Variants in ASMT observed in about 807,000 individuals in gnomAD.
ASMT encodes the protein acetylserotonin N-methyltransferase.
Under a neutral mutation model 41.3 loss-of-function variants are expected in ASMT, and 53 were observed. The observed-to-expected ratio is 1.28, with a 90% CI of 1.03 to 1.61. The LOEUF is 1.61. Ranked by LOEUF, ASMT falls within the 40% of genes most tolerant of loss-of-function variation. ASMT has a pLI of 0.00. For synonymous variants in ASMT, 231 were observed against 184.8 expected, an observed-to-expected ratio of 1.25 and a Z score of -2.03; for missense variants, 531 against 441.3, an observed-to-expected ratio of 1.20 and a Z score of -1.82.
At chrX:1,625,814 C>T (rs772611836) in intron 3 of ASMT, among the ~76,000 whole-genome samples, 92 of 151,528 alleles carry the variant, frequency 6.1e-4, no homozygotes, top group African/African-American at 1.9e-3. Flanking sequence ...ATTAGCCGGG[C>T]GTGGTGGCGG....
At chrX:1,627,082 T>G (rs1246442681) in intron 3 of ASMT, among the ~76,000 whole-genome samples, 2 of 146,518 alleles carry the variant, frequency 1.4e-5, no homozygotes, top group East Asian at 4.0e-4. Context: ...CCCAGCACTT[T>G]GGGAGGCCAA....
chrX:1,624,261 T>C lies in ASMT; in HGVS notation c.245-8T>C. The C allele has an allele frequency of 2.5e-6, 4 of 1,613,910 alleles. No homozygotes were observed. Among genetic ancestry groups the C allele is most frequent in the Non-Finnish European group, 3.4e-6 (4 of 1,179,846 alleles). On this transcript the variant is annotated splice_polypyrimidine_tract_variant and splice_region_variant and intron_variant, in intron 2 of 8. Coordinates refer to ENST00000381241, the MANE Select transcript of ASMT (RefSeq NM_001171038.2). ...TGCTTTTTCCCTGTTTTTTTGTGTG[T>C]GTTTCAGCTTTCTATCGAAACACAG...
chrX:1,630,941 T>G (rs776353156), intron 5 of ASMT, among the ~76,000 whole-genome samples: 4 of 148,122 alleles, frequency 2.7e-5, no homozygotes, highest in Admixed American at 1.4e-4. Flanking sequence ...GATGGAGTCT[T>G]GCTCTGTCAC....
rs1569384377 is a variant in ASMT at position 1,636,984 on chromosome X, GGC to G, written c.910+425_910+426del. Among the ~76,000 whole-genome samples the G allele has an allele frequency of 3.1e-4, 23 of 74,744 alleles. 2 individuals carry two copies. Among genetic ancestry groups the G allele is most frequent in the Non-Finnish European group, 4.0e-4 (15 of 37,086 alleles). 49.0% of individuals were successfully genotyped at this position (74,744 alleles called of 152,430 possible). On this transcript the variant is annotated intron_variant, in intron 8 of 8. Transcript: ENST00000381241. The stretch of plus-strand genomic sequence containing the variant: ...CATCCTGATGGCACATGAGGATGTG[GGC>G]ACAGCCTCTGTGTGTGATGGGGACA...
At chrX:1,634,223 G>A (rs1321923229) in intron 7 of ASMT, among the ~76,000 whole-genome samples, 1 of 152,204 alleles carries the variant, frequency 6.6e-6, no homozygotes, top group Non-Finnish European at 1.5e-5. Flanking sequence ...ATGCATATCA[G>A]CGAAGGAGAA....
Position 1,636,522 on chromosome X carries a change from C to T in ASMT, c.872C>T (p.Ser291Leu), listed in dbSNP as rs559959569. 6.2e-7 allele frequency: 1 copy of T among 1,613,878 alleles called. No individual in the cohort carries two copies. ...VLHDWADGKC[S>L]HLLERIYHTC... Reference sequence around the variant, plus strand: ...CATGACTGGGCAGACGGAAAGTGCTCACACCTGCTGGAGAGGATCTACCAC... The same window carrying T: ...CATGACTGGGCAGACGGAAAGTGCTTACACCTGCTGGAGAGGATCTACCAC... Residue 291 changes from serine to leucine, a missense_variant, in exon 8 of 9, where the codon TCA (serine) becomes TTA (leucine). Transcript: ENST00000381241.
At chrX:1,642,291 G>GC (rs1935215309) in intron 8 of ASMT, among the ~76,000 whole-genome samples, 2 of 146,702 alleles carry the variant, frequency 1.4e-5, no homozygotes, top group East Asian at 2.1e-4. Context: ...CAGTGTCCCA[G>GC]TGTCCTGTGA....
At position 1,642,867 on chromosome X, in the gene ASMT, G is replaced by A; in HGVS notation, c.975G>A (p.Gln325=). 8 of 1,613,958 alleles carry A rather than the reference G, an allele frequency of 5.0e-6. No homozygotes were observed. Among genetic ancestry groups the A allele is most frequent in the Non-Finnish European group, 6.8e-6 (8 of 1,179,882 alleles). Residue 325 remains glutamine, a synonymous_variant, in exon 9 of 9, where the codon CAG becomes CAA. Coordinates refer to ENST00000381241, the MANE Select transcript of ASMT (RefSeq NM_001171038.2). ...DEDRRGPLLT[Q]LYSLNMLVQT... is the part of the protein sequence containing the mutation. ...ACAGGCGAGGTCCTCTGCTCACGCA[G>A]CTCTACTCTCTGAACATGCTTGTGC...
intron 1 of ASMT, among the ~76,000 whole-genome samples, chrX:1,619,589 A>ATAAT (rs1342931676): frequency 6.8e-6 from 1 of 146,772 alleles, no homozygotes; most frequent in African/African-American, 2.5e-5. Flanking sequence ...AATAATAATA[A>ATAAT]AAAGTCTTTG....
chrX:1,625,254 G>C (rs1250514499), intron 3 of ASMT, among the ~76,000 whole-genome samples: 1 of 151,400 alleles, frequency 6.6e-6, no homozygotes, highest in Non-Finnish European at 1.5e-5. Flanking sequence ...ACAGGAACCC[G>C]CCACCACACC....
chrX:1,616,628 G>C (rs1452210452), intron 1 of ASMT, among the ~76,000 whole-genome samples: 2 of 151,380 alleles, frequency 1.3e-5, no homozygotes, highest in East Asian at 1.9e-4. Flanking sequence ...CCAACGGTTT[G>C]GGGGTCCGAA....
rs1476295136 is a variant in ASMT at position 1,615,114 on chromosome X, C to G, written c.-86C>G. 1.5e-5 allele frequency: 19 copies of G among 1,254,902 alleles called. No individual in the cohort carries two copies. Among genetic ancestry groups the G allele is most frequent in the Middle Eastern group, 2.1e-4 (1 of 4,834 alleles). 77.7% of individuals were successfully genotyped at this position (1,254,902 alleles called of 1,614,324 possible). On this transcript the variant is annotated 5_prime_UTR_variant, in exon 1 of 9. Coordinates refer to ENST00000381241, the MANE Select transcript of ASMT (RefSeq NM_001171038.2). ...TCAGGCAGCAGCTGTGAGCGGGTGG[C>G]TCTTCCCCACCTTGCCAGCAGGCTC...
At chrX:1,637,138 C>T (rs62593347) in intron 8 of ASMT, among the ~76,000 whole-genome samples, 37,235 of 66,378 alleles carry the variant, frequency 0.56, 11,034 homozygotes, top group South Asian at 0.65. Context: ...TGATGCTTCA[C>T]GAGGACGTGG....
chrX:1,633,078 A>C, intron 6 of ASMT, 72 bp from the exon 7 acceptor site: 1 of 1,588,076 alleles, frequency 6.3e-7, no homozygotes, highest in Non-Finnish European at 8.6e-7. Flanking sequence ...TCATGAGTCC[A>C]TGGTGTGTGG....
intron 7 of ASMT, 39 bp downstream of exon 7, chrX:1,633,329 C>T (rs200116192): frequency 4.1e-5 from 66 of 1,613,398 alleles, no homozygotes; most frequent in East Asian, 1.8e-4. Flanking sequence ...ATGTGTCTCA[C>T]GGCTTCTCCA....
Position 1,632,742 on chromosome X carries a change from C to T in ASMT, c.601C>T (p.Leu201=). The T allele has an allele frequency of 3.4e-6, 1 of 290,526 alleles. No individual in the cohort carries two copies. The highest frequency in any genetic ancestry group is 4.0e-5 in the South Asian group (1 of 25,186). 18.0% of individuals were successfully genotyped at this position (290,526 alleles called of 1,614,324 possible). ...IKLETIILSK[L]SQGQKTKHRV... ...GCTGGAAACCATCATTCTCAGCAAA[C>T]TATCGCAAGGACAGAAAACCAAACA... The change falls in exon 6 of 9, where the codon CTA becomes TTA. Residue 201 remains leucine, a synonymous_variant. Transcript: ENST00000381241.
intron 1 of ASMT, among the ~76,000 whole-genome samples, chrX:1,617,661 G>T (rs1312050858): frequency 2.6e-5 from 4 of 151,330 alleles, no homozygotes; most frequent in African/African-American, 9.7e-5. Context: ...TGTCGCCCAG[G>T]CTGGAGCGCA....
rs756733332 is a variant in ASMT, at chrX:1,616,281, G to A, written c.69+1013G>A. ...TGACCTCAAGTGATTCACCTGCCTC[G>A]GCCTCCCAAGGCCTCATTTCTTCTT... On this transcript the variant is annotated intron_variant, in intron 1 of 8. Transcript: ENST00000381241. 7.8e-4 allele frequency among the ~76,000 whole-genome samples: 118 copies of A among 151,336 alleles called. 4 individuals are homozygous for A. Among genetic ancestry groups the A allele is most frequent in the Non-Finnish European group, 1.4e-3 (93 of 67,602 alleles).
intron 3 of ASMT, among the ~76,000 whole-genome samples, chrX:1,625,699 A>C (rs1253227545): frequency 1.3e-5 from 2 of 151,970 alleles, no homozygotes; most frequent in African/African-American, 4.8e-5. Context: ...CCATGCCGGT[A>C]ATCCCAGCAC....
Sources: gnomAD v4.1 joint callset for allele counts (sites outside exome capture counted in the v4.1 genomes callset) on GRCh38, gnomAD v4.1.1 for gene constraint, MANE v1.5 for transcripts, NCBI Gene and HGNC (gene_info 2026-07-23, HGNC 2026-07-21) for gene names.